The following RPL37 variants were observed in gnomAD, a reference collection of about 807,000 sequenced individuals.
RPL37 encodes the protein ribosomal protein L37.
In RPL37, 1 loss-of-function variant was observed where a neutral mutation model predicts 14.8. That is an observed-to-expected ratio of 0.07 (90% CI 0.02 to 0.32). RPL37 has a LOEUF of 0.32. RPL37 is among the 10% of genes least tolerant of loss of function. The pLI, the probability that RPL37 is intolerant of heterozygous loss-of-function variation, is 1.00. For missense variants in RPL37, 100 were observed against 128.3 expected (o/e 0.78, Z 1.06); for synonymous variants, 53 against 45.8 (o/e 1.16, Z -0.63).
In RPL37 at chr5:40,828,950, C is replaced by T. The variant is rs568326591; in HGVS notation, c.*3554G>A. On this transcript the variant is annotated 3_prime_UTR_variant, in exon 4 of 4. Transcript: ENST00000274242. ...TCTCCCCAAATCTTACTTTGAGACT[C>T]TAAATTATCTTTTTGTTTTTGGAGT... The T allele has an allele frequency of 4.6e-5, 7 of 152,300 alleles. No homozygotes were observed. Among genetic ancestry groups the T allele is most frequent in the African/African-American group, 7.2e-5 (3 of 41,560 alleles). 9.4% of individuals were successfully genotyped at this position (152,300 alleles called of 1,614,324 possible).
chr5:40,827,225 G>A lies in RPL37; in HGVS notation c.*5279C>T, dbSNP rs1487269905. 1 of 152,246 alleles carries A rather than the reference G, an allele frequency of 6.6e-6. No individual in the cohort carries two copies. The highest frequency in any genetic ancestry group is 2.4e-5 in the African/African-American group (1 of 41,444). The allele number at this position is 152,246 out of a possible 1,614,324, so 9.4% of individuals were successfully genotyped here. A position where few individuals can be genotyped will look rare whatever the true frequency, so the allele number is the denominator to read the frequency against. On this transcript the variant is annotated 3_prime_UTR_variant, in exon 4 of 4. Coordinates refer to ENST00000274242, the MANE Select transcript of RPL37 (RefSeq NM_000997.5). ...GGGATTATGAAGCCAGCCAGCCAAG[G>A]AAGAACTACCCTATCTCCTCACTCC...
intron 1 of RPL37, 199 bp downstream of exon 1, chr5:40,834,984 C>T (rs1745733775): frequency 1.4e-6 from 1 of 712,532 alleles, no homozygotes; most frequent in Non-Finnish European, 2.4e-6. Context: ...GCGGCTCTAG[C>T]ACCACAATTA....
In RPL37 at chr5:40,831,621, CT is replaced by C. The variant is rs1745640873; in HGVS notation, c.*882del. On this transcript the variant is annotated 3_prime_UTR_variant, in exon 4 of 4. Transcript: ENST00000274242. ...CAATTCATGTTCCCTTCAACTGCCC[CT>C]GCCCTCTCACTCAGCAGTCCAGTTG... is the stretch of plus-strand genomic sequence containing the variant. 1 of 152,330 alleles carries C rather than the reference CT, an allele frequency of 6.6e-6. No individual in the cohort carries two copies. The highest frequency in any genetic ancestry group is 2.1e-4 in the South Asian group (1 of 4,832). The allele number at this position is 152,330 out of a possible 1,614,324, so 9.4% of individuals were successfully genotyped here.
chr5:40,826,509 G>A lies in RPL37; in HGVS notation c.*5995C>T, dbSNP rs1483108677. ...GCTCAATTCAGCCTTCTTGGACAAAGGAGTTACTACCTTCTACTTTGAAAC... is the reference window on the plus strand; with the variant it reads ...GCTCAATTCAGCCTTCTTGGACAAAAGAGTTACTACCTTCTACTTTGAAAC... On this transcript the variant is annotated 3_prime_UTR_variant, in exon 4 of 4. Transcript: ENST00000274242. The A allele has an allele frequency of 1.4e-5, 2 of 147,596 alleles. No homozygotes were observed. Among genetic ancestry groups the A allele is most frequent in the African/African-American group, 4.9e-5 (2 of 40,760 alleles). The allele number at this position is 147,596 out of a possible 1,614,324, so 9.1% of individuals were successfully genotyped here.
In RPL37 at chr5:40,832,524, C is replaced by T. The variant is rs763363644; in HGVS notation, c.274G>A (p.Ala92Thr). 1 of 1,613,696 alleles carries T rather than the reference C, an allele frequency of 6.2e-7. No homozygotes were observed. Among genetic ancestry groups the T allele is most frequent in the East Asian group, 2.2e-5 (1 of 44,878 alleles). ...CATTCTTAAGATGAACTGGATGCTGCAACAGCTGCCCTCTTGGGTTTAGGT... is the reference window on the plus strand; with the variant it reads ...CATTCTTAAGATGAACTGGATGCTGTAACAGCTGCCCTCTTGGGTTTAGGT... ...TTPKPKRAAV[A>T]ASSSS The change falls in exon 4 of 4, where the codon GCA becomes ACA. Residue 92 changes from alanine (A) to threonine (T), a missense_variant. Ala to Thr is a moderately conservative substitution (Grantham distance 58). This residue lies in a region of RPL37 where 74 missense variants were observed against 69.9 expected (regional missense o/e 1.06). Coordinates refer to ENST00000274242, the MANE Select transcript of RPL37 (RefSeq NM_000997.5).
At chr5:40,835,102 C>T in intron 1 of RPL37, 81 bp downstream of exon 1, 4 of 1,593,274 alleles carry the variant, frequency 2.5e-6, no homozygotes, top group Non-Finnish European at 3.4e-6. Context: ...GGAATCTTGC[C>T]AGCCCCCCAA....
chr5:40,832,463 T>A lies in RPL37; in HGVS notation c.*41A>T, dbSNP rs1407850110. 1.9e-6 allele frequency: 3 copies of A among 1,556,068 alleles called. No homozygotes were observed. Among genetic ancestry groups the A allele is most frequent in the Admixed American group, 1.7e-5 (1 of 59,920 alleles). ...TTACCAAAACCAGATATGTATTTTT[T>A]AAAACCAGAACATTTATTGCATGAC... On this transcript the variant is annotated 3_prime_UTR_variant, in exon 4 of 4. Transcript: ENST00000274242.
rs1018345998 is a variant in RPL37 at position 40,825,286 on chromosome 5, A to G, written c.*7218T>C. 4 of 152,230 alleles carry G rather than the reference A, an allele frequency of 2.6e-5. No individual in the cohort carries two copies. Among genetic ancestry groups the G allele is most frequent in the Admixed American group, 2.6e-4 (4 of 15,278 alleles). 9.4% of individuals were successfully genotyped at this position (152,230 alleles called of 1,614,324 possible). On this transcript the variant is annotated 3_prime_UTR_variant, in exon 4 of 4. Transcript: ENST00000274242. The stretch of plus-strand genomic sequence containing the variant: ...ATTTCATTGTACAATATCTTTATTA[A>G]AGAAATGCATTCCAGCAACACTGTC...
At chr5:40,833,933 G>C in intron 3 of RPL37, 1 of 489,286 alleles carries the variant, frequency 2.0e-6, no homozygotes, top group Non-Finnish European at 3.7e-6. Flanking sequence ...TGTAGTCCCG[G>C]GTACTCGGGC....
At chr5:40,834,780 C>A in intron 1 of RPL37, among the ~76,000 whole-genome samples, 174 bp from the exon 2 acceptor site, 1 of 152,210 alleles carries the variant, frequency 6.6e-6, no homozygotes, top group East Asian at 1.9e-4. Flanking sequence ...TTTCACGTTA[C>A]CTAAAACCCT....
In RPL37 at chr5:40,835,173, C is replaced by G. The variant is rs367881888; in HGVS notation, c.3+10G>C. The stretch of plus-strand genomic sequence containing the variant: ...GAACGCGATTCACAAACACCACAGT[C>G]ACAACTCACCATCTCGCTTCTGCGG... On this transcript the variant is annotated intron_variant, in intron 1 of 3. Coordinates refer to ENST00000274242, the MANE Select transcript of RPL37 (RefSeq NM_000997.5). The G allele has an allele frequency of 2.2e-5, 36 of 1,614,042 alleles. No individual in the cohort carries two copies. The African/African-American group carries it at 4.5e-4, about 20-fold the overall frequency.
chr5:40,835,217 G>A lies in RPL37; in HGVS notation c.-32C>T, dbSNP rs567831029. On this transcript the variant is annotated 5_prime_UTR_variant, in exon 1 of 4. Transcript: ENST00000274242. ...TCTGCGGCCGAGACCAGAAAGACCG[G>A]AAGAGAAGGCACTTCCGCTATATCA... The A allele has an allele frequency of 2.2e-5, 35 of 1,613,910 alleles. 1 individual carries two copies. The highest frequency in any genetic ancestry group is 3.3e-4 in the Middle Eastern group (2 of 6,062).
chr5:40,832,654 T>C (rs1280165637), intron 3 of RPL37, 81 bp from the exon 4 acceptor site: 2 of 1,016,514 alleles, frequency 2.0e-6, no homozygotes, highest in African/African-American at 3.1e-5. Flanking sequence ...CAGATTTCAA[T>C]GCGCTTATCT....
rs766302158 is a variant in RPL37 at position 40,825,848 on chromosome 5, GGT to G, written c.*6654_*6655del. On this transcript the variant is annotated 3_prime_UTR_variant, in exon 4 of 4. Coordinates refer to ENST00000274242, the MANE Select transcript of RPL37 (RefSeq NM_000997.5). ...AGCCTTCGGAGTAGCTGGGATTACA[GGT>G]GTGTGCCACTGCACCTGGCTAATTT... The G allele has an allele frequency of 6.6e-6, 1 of 152,418 alleles. No homozygotes were observed. The highest frequency in any genetic ancestry group is 2.1e-4 in the South Asian group (1 of 4,836). 9.4% of individuals were successfully genotyped at this position (152,418 alleles called of 1,614,324 possible). A position where few individuals can be genotyped will look rare whatever the true frequency, so the allele number is the denominator to read the frequency against.
intron 3 of RPL37, among the ~76,000 whole-genome samples, chr5:40,833,505 T>C (rs1209494376): frequency 1.3e-5 from 2 of 152,224 alleles, no homozygotes; most frequent in African/African-American, 4.8e-5. Context: ...AGATTCTGCA[T>C]TTATAACTCT....
At chr5:40,834,764 C>T (rs1454330072) in intron 1 of RPL37, among the ~76,000 whole-genome samples, 158 bp from the exon 2 acceptor site, 3 of 152,212 alleles carry the variant, frequency 2.0e-5, no homozygotes, top group Non-Finnish European at 4.4e-5. Context: ...GAGACCACTA[C>T]CCGCATTTCA....
At position 40,826,617 on chromosome 5, in the gene RPL37, G is replaced by A. The variant is rs952196167; in HGVS notation, c.*5887C>T. The A allele has an allele frequency of 2.0e-5, 3 of 152,222 alleles. No individual in the cohort carries two copies. Among genetic ancestry groups the A allele is most frequent in the Non-Finnish European group, 4.4e-5 (3 of 68,054 alleles). 9.4% of individuals were successfully genotyped at this position (152,222 alleles called of 1,614,324 possible). A position where few individuals can be genotyped will look rare whatever the true frequency, so the allele number is the denominator to read the frequency against. ...ACCATTTAGCTGGGGAGCCCAGAGA[G>A]GGCTGCTGCCATGCGATCTCCCTGA... On this transcript the variant is annotated 3_prime_UTR_variant, in exon 4 of 4. Transcript: ENST00000274242.
rs1462386160 is a variant in RPL37, at chr5:40,831,182, G to A, written c.*1322C>T. 2 of 152,266 alleles carry A rather than the reference G, an allele frequency of 1.3e-5. No homozygotes were observed. The highest frequency in any genetic ancestry group is 2.9e-5 in the Non-Finnish European group (2 of 68,034). 9.4% of individuals were successfully genotyped at this position (152,266 alleles called of 1,614,324 possible). On this transcript the variant is annotated 3_prime_UTR_variant, in exon 4 of 4. Coordinates refer to ENST00000274242, the MANE Select transcript of RPL37 (RefSeq NM_000997.5). Reference sequence around the variant, plus strand: ...CATCTGTAGTCCCAGCTACTCAGAAGGCTGAGGCAGGAGAACCACTTGACT... The same window carrying A: ...CATCTGTAGTCCCAGCTACTCAGAAAGCTGAGGCAGGAGAACCACTTGACT...
At position 40,828,377 on chromosome 5, in the gene RPL37, T is replaced by G. The variant is rs978657802; in HGVS notation, c.*4127A>C. On this transcript the variant is annotated 3_prime_UTR_variant, in exon 4 of 4. Coordinates refer to ENST00000274242, the MANE Select transcript of RPL37 (RefSeq NM_000997.5). The stretch of plus-strand genomic sequence containing the variant: ...AATCTGTCAGGGCAGGGTCTTTGTT[T>G]TGTTTTCCACTTAAAAGTTTCTGGG... 3 of 152,174 alleles carry G rather than the reference T, an allele frequency of 2.0e-5. No individual in the cohort carries two copies. Among genetic ancestry groups the G allele is most frequent in the African/African-American group, 7.2e-5 (3 of 41,390 alleles). The allele number at this position is 152,174 out of a possible 1,614,324, so 9.4% of individuals were successfully genotyped here.
Sources: allele counts gnomAD v4.1 joint callset (sites outside exome capture counted in the v4.1 genomes callset), GRCh38; gene constraint gnomAD v4.1.1; regional missense constraint gnomAD v4.1.1; transcripts MANE v1.5; gene names NCBI Gene and HGNC (gene_info 2026-07-23, HGNC 2026-07-21).